The following NCOR2 variants were observed in gnomAD, a reference collection of about 807,000 sequenced individuals.
NCOR2 encodes the protein nuclear receptor corepressor 2.
NCOR2 carries 81 observed loss-of-function variants against 262.9 expected under a neutral mutation model. The ratio of observed to expected loss-of-function variants is 0.31; its 90% CI spans 0.26 to 0.37. The LOEUF (loss-of-function observed/expected upper bound fraction) is 0.37, where lower values mean the gene tolerates loss of function less well. Among genes scored for constraint, NCOR2 ranks in the 10% least tolerant of loss-of-function variants. NCOR2 has a pLI of 1.00. For missense variants in NCOR2, 3,385 were observed against 3,621.4 expected, an observed-to-expected ratio of 0.93 and a Z score of 1.68; for synonymous variants, 1,659 against 1,559.3, an observed-to-expected ratio of 1.06 and a Z score of -1.51.
intron 2 of NCOR2, 160 bp downstream of exon 4, chr12:124,486,270 TCCCATCCTCAC>T (rs945768214): frequency 3.3e-5 from 35 of 1,048,760 alleles, no homozygotes; most frequent in African/African-American, 5.0e-5. Context: ...TCCCTGCTCG[TCCCATCCTCAC>T]CCCGAGTCAC....
chr12:124,371,402 G>C (rs982984048), intron 20 of NCOR2, among the ~76,000 whole-genome samples: 1 of 152,224 alleles, frequency 6.6e-6, no homozygotes, highest in Non-Finnish European at 1.5e-5. Flanking sequence ...TTTGGAAATA[G>C]ACTGTTTGCT....
At position 124,333,100 on chromosome 12, in the gene NCOR2, C is replaced by T. The variant is rs576600306; in HGVS notation, c.6755+30G>A. On this transcript the variant is annotated intron_variant, in intron 42 of 46. Transcript: ENST00000405201. ...ATGGGCAAGGGATACCAGAGCATCC[C>T]GGGGGCAGCGCATGTGCCCACAGAA... 2.5e-5 allele frequency: 39 copies of T among 1,569,790 alleles called. No homozygotes were observed. The East Asian group carries it at 3.6e-4, about 15-fold the overall frequency.
At chr12:124,416,804 C>T (rs1014675286) in intron 13 of NCOR2, among the ~76,000 whole-genome samples, 6 of 141,872 alleles carry the variant, frequency 4.2e-5, no homozygotes, top group African/African-American at 8.8e-5. Flanking sequence ...AGGGAGACCC[C>T]GCAGCACAGA....
At chr12:124,393,788 G>A (rs1003814027) in intron 16 of NCOR2, among the ~76,000 whole-genome samples, 4 of 152,260 alleles carry the variant, frequency 2.6e-5, no homozygotes, top group African/African-American at 9.6e-5. Flanking sequence ...AGTATTAACA[G>A]CACCTGCCTC....
At chr12:124,434,354 C>A (rs1024543568) in intron 8 of NCOR2, among the ~76,000 whole-genome samples, 2 of 152,166 alleles carry the variant, frequency 1.3e-5, no homozygotes, top group Non-Finnish European at 2.9e-5. Context: ...CCATCCCAAT[C>A]GCCACCGCAG....
At chr12:124,360,018 C>T (rs535395945) in intron 22 of NCOR2, among the ~76,000 whole-genome samples, 11 of 152,364 alleles carry the variant, frequency 7.2e-5, no homozygotes, top group South Asian at 4.1e-4. Context: ...GCCACACCAA[C>T]GGGCTGAGTG....
Position 124,523,531 on chromosome 12 carries a change from C to T in NCOR2, c.-118+12034G>A, listed in dbSNP as rs955556041. Among the ~76,000 whole-genome samples, 10 of 152,048 alleles carry T rather than the reference C, an allele frequency of 6.6e-5. No homozygotes were observed. The highest frequency in any genetic ancestry group is 2.2e-4 in the African/African-American group (9 of 41,378). ...GTCAGTGGGCTTCACGCGGCCTCCA[C>T]TGTGCCTTACAACCGGCGTGTCCAG... On this transcript the variant is annotated intron_variant, in intron 1 of 46. Transcript: ENST00000404621. The surrounding 1 kb of genome is among the most constrained non-coding windows in gnomAD (Gnocchi z 4.0).
intron 1 of NCOR2, among the ~76,000 whole-genome samples, chr12:124,535,210 C>T (rs1028547000): frequency 3.9e-5 from 6 of 152,194 alleles, no homozygotes; most frequent in Admixed American, 2.6e-4. Context: ...GCCAAACCTG[C>T]GGGCCCACCG....
At chr12:124,336,665 G>A (rs1566358810) in intron 38 of NCOR2, 88 bp downstream of exon 40, 17 of 1,538,896 alleles carry the variant, frequency 1.1e-5, no homozygotes, top group Admixed American at 3.9e-5. Flanking sequence ...GTTGGCCAGC[G>A]CACCTCCTTC....
intron 6 of NCOR2, among the ~76,000 whole-genome samples, chr12:124,451,887 C>G (rs1343686234): frequency 7.0e-6 from 1 of 143,570 alleles, no homozygotes; most frequent in East Asian, 2.3e-4. Flanking sequence ...CTCTACAGAG[C>G]CTCACAGACA....
upstream of NCOR2, chr12:124,495,449 T>C (rs2048328159): frequency 8.9e-7 from 1 of 1,129,070 alleles, no homozygotes; most frequent in Admixed American, 3.0e-5. The surrounding 1 kb of genome is among the most constrained non-coding windows in gnomAD (Gnocchi z 4.4). Context: ...GAGTCGTTCC[T>C]GTGGTCCCGT....
In NCOR2 at chr12:124,418,520, A is replaced by G. The variant is rs575692051; in HGVS notation, c.1482+1437T>C. On this transcript the variant is annotated intron_variant, in intron 13 of 46. Coordinates refer to ENST00000405201, the Ensembl canonical transcript of NCOR2. ...GGGGCTAGAGGGTGCCACTATAGGGAGTACCAGCCACCTTCTCCCACCTGC... is the reference window on the plus strand; with the variant it reads ...GGGGCTAGAGGGTGCCACTATAGGGGGTACCAGCCACCTTCTCCCACCTGC... Among the ~76,000 whole-genome samples the G allele has an allele frequency of 2.2e-4, 33 of 152,312 alleles. 1 individual carries two copies. In the East Asian group the frequency reaches 6.4e-3, roughly 29 times the overall value.
At chr12:124,540,100 C>G (rs567091550), upstream of NCOR2, among the ~76,000 whole-genome samples, 332 of 151,002 alleles carry the variant, frequency 2.2e-3, 2 homozygotes, top group African/African-American at 7.8e-3. Context: ...GTCTTAGGGG[C>G]CAAGGTCACA....
intron 3 of NCOR2, among the ~76,000 whole-genome samples, chr12:124,474,141 C>A (rs1222577247): frequency 6.6e-6 from 1 of 152,216 alleles, no homozygotes; most frequent in African/African-American, 2.4e-5. Flanking sequence ...TCCATTCTCC[C>A]AAGGCCTGGC....
In NCOR2 at chr12:124,503,639, A is replaced by AATGG. The variant is rs571567528; in HGVS notation, c.-117-8275_-117-8272dup. Among the ~76,000 whole-genome samples, 678 of 102,608 alleles carry AATGG rather than the reference A, an allele frequency of 6.6e-3. 13 individuals carry two copies. The highest frequency in any genetic ancestry group is 9.6e-3 in the South Asian group (30 of 3,136). The allele number at this position is 102,608 out of a possible 152,430, so 67.3% of individuals were successfully genotyped here. On this transcript the variant is annotated intron_variant, in intron 1 of 46. Transcript: ENST00000404621. This position sits in a 1 kb window ranked among gnomAD's most constrained non-coding sequence, Gnocchi z 4.3. ...GGATGGATGGATGGATGGATGGGCG[A>AATGG]ATGGATGGATGGATGGATGGATGGA...
At chr12:124,325,374 A>ACCACC (rs2034531199) in exon 47 of NCOR2, 20 of 316,844 alleles carry the variant, frequency 6.3e-5, no homozygotes, top group Non-Finnish European at 8.4e-5. Flanking sequence ...GGGACCTGAC[A>ACCACC]CCGCCCCCCC....
At chr12:124,417,519 A>C (rs556346712) in intron 13 of NCOR2, among the ~76,000 whole-genome samples, 163 of 152,264 alleles carry the variant, frequency 1.1e-3, no homozygotes, top group Non-Finnish European at 2.0e-3. Flanking sequence ...GCCCAGCCTC[A>C]ATGCCCCCAA....
chr12:124,332,293 TC>T (rs1353497080), intron 43 of NCOR2, 25 bp downstream of exon 45: 1 of 1,612,956 alleles, frequency 6.2e-7, no homozygotes, highest in African/African-American at 1.3e-5. Context: ...GCCCCATGCT[TC>T]CCCGGGAGCC....
intron 3 of NCOR2, among the ~76,000 whole-genome samples, chr12:124,474,315 C>T (rs557534257): frequency 2.0e-5 from 3 of 152,232 alleles, no homozygotes; most frequent in East Asian, 3.8e-4. Context: ...GGAGTTATCT[C>T]GGCAGCAGGG....
Sources: gnomAD v4.1 joint callset for allele counts (sites outside exome capture counted in the v4.1 genomes callset) on GRCh38, gnomAD v4.1.1 for gene constraint, Gnocchi (gnomAD v3.1) non-coding constraint, MANE v1.5 for transcripts, NCBI Gene and HGNC (gene_info 2026-07-23, HGNC 2026-07-21) for gene names.